MFN1: variants seen among roughly 807,000 people sequenced by gnomAD.
The protein encoded by MFN1 is mitofusin 1, also known as mitofusin-1.
A neutral mutation model predicts 92.4 loss-of-function variants in MFN1; 65 were observed. The ratio of observed to expected loss-of-function variants is 0.70; its 90% confidence interval spans 0.58 to 0.86. The LOEUF (loss-of-function observed/expected upper bound fraction) is 0.86. MFN1 is among the 40% of genes least tolerant of loss of function. The pLI is 0.00. For synonymous variants in MFN1, 297 were observed against 300.9 expected, an observed-to-expected ratio of 0.99 and a Z score of 0.13; for missense variants, 781 against 868.0, an observed-to-expected ratio of 0.90 and a Z score of 1.26.
intron 16 of MFN1, 85 bp from the exon 17 acceptor site, chr3:179,389,919 G>A: frequency 7.7e-7 from 1 of 1,301,694 alleles, no homozygotes; most frequent in Non-Finnish European, 1.1e-6. Context: ...TTTAAAACTT[G>A]TGTTCTTCTT....
chr3:179,356,420 A>G (rs1018693733), intron 3 of MFN1, among the ~76,000 whole-genome samples: 4 of 152,222 alleles, frequency 2.6e-5, no homozygotes, highest in African/African-American at 9.6e-5. Flanking sequence ...ATCCTTTATA[A>G]TGAACCAGTA....
chr3:179,362,893 C>G (rs1712639785), intron 5 of MFN1, among the ~76,000 whole-genome samples: 1 of 152,114 alleles, frequency 6.6e-6, no homozygotes. Flanking sequence ...ATGAGTGTTT[C>G]AAGTAATCCA....
intron 10 of MFN1, 99 bp downstream of exon 10, chr3:179,375,440 A>C: frequency 2.8e-6 from 4 of 1,412,780 alleles, no homozygotes; most frequent in Non-Finnish European, 3.9e-6. Flanking sequence ...TACTTTTTAC[A>C]CTGAAATCAA....
chr3:179,375,287 T>C lies in MFN1; in HGVS notation c.1043T>C (p.Leu348Pro). Residue 348 changes from leucine (L) to proline (P), a missense_variant, in exon 10 of 18, where the codon CTA becomes CCA. Coordinates refer to ENST00000471841, the MANE Select transcript of MFN1 (RefSeq NM_033540.3). ...CACACTATCAGAGCTAAACAGATACTAGCTACTGTGAAAAACATAATGGAT... is the reference window on the plus strand; with the variant it reads ...CACACTATCAGAGCTAAACAGATACCAGCTACTGTGAAAAACATAATGGAT... ...EQHTIRAKQI[L>P]ATVKNIMDSV... 3 of 1,614,004 alleles carry C rather than the reference T, an allele frequency of 1.9e-6. No individual in the cohort carries two copies. The highest frequency in any genetic ancestry group is 2.5e-6 in the Non-Finnish European group (3 of 1,179,938).
At chr3:179,372,422 G>A (rs1713060460) in intron 9 of MFN1, among the ~76,000 whole-genome samples, 1 of 151,906 alleles carries the variant, frequency 6.6e-6, no homozygotes, top group Non-Finnish European at 1.5e-5. Flanking sequence ...GGGAACTGCT[G>A]CATATTATAT....
rs180799848 is a variant in MFN1 at position 179,385,304 on chromosome 3, T to A, written c.1663-265T>A. 3.9e-5 allele frequency among the ~76,000 whole-genome samples: 6 copies of A among 152,060 alleles called. No homozygotes were observed. The East Asian group carries it at 1.2e-3, about 29-fold the overall frequency. ...GTTGTTAGTTTTTTTAAAAACACACTTTGTTCCTCTTGAGAGTTGAGGGCC... is the reference window on the plus strand; with the variant it reads ...GTTGTTAGTTTTTTTAAAAACACACATTGTTCCTCTTGAGAGTTGAGGGCC... On this transcript the variant is annotated intron_variant, in intron 14 of 17. Transcript: ENST00000471841.
intron 9 of MFN1, among the ~76,000 whole-genome samples, chr3:179,371,076 C>A (rs1713006087): frequency 6.6e-6 from 1 of 152,170 alleles, no homozygotes; most frequent in Non-Finnish European, 1.5e-5. Flanking sequence ...GTATCAAGTT[C>A]ATCACCTTTA....
rs753641701 is a variant in MFN1 at position 179,386,420 on chromosome 3, C to CT, written c.1816-10dup. The CT allele has an allele frequency of 6.2e-7, 1 of 1,606,494 alleles. No individual in the cohort carries two copies. On this transcript the variant is annotated splice_polypyrimidine_tract_variant and intron_variant, in intron 15 of 17. Transcript: ENST00000471841. ...TTTTCCTTCTCAGACTAAGCTATGA[C>CT]TTTATCTTACAGATTTGGAAAACTA...
rs989793420 is a variant in MFN1, at chr3:179,377,058, G to C, written c.1114G>C (p.Glu372Gln). Reference protein sequence around the residue: ...AEDKRHYSVEEREDQIDRLDF... With the variant: ...AEDKRHYSVEQREDQIDRLDF... ...CTGAAATAGGCATTATTCAGTGGAA[G>C]AGAGGGAAGACCAAATTGATAGACT... Residue 372 changes from glutamate to glutamine, a missense_variant, in exon 11 of 18, where the codon GAG becomes CAG. Coordinates refer to ENST00000471841, the MANE Select transcript of MFN1 (RefSeq NM_033540.3). The C allele has an allele frequency of 3.1e-6, 5 of 1,613,666 alleles. No homozygotes were observed. The highest frequency in any genetic ancestry group is 4.2e-6 in the Non-Finnish European group (5 of 1,179,858).
rs1315998276 is a variant in MFN1, at chr3:179,348,842, T to C, written c.-7-3T>C. 1.2e-6 allele frequency: 2 copies of C among 1,609,180 alleles called. No homozygotes were observed. The highest frequency in any genetic ancestry group is 2.2e-5 in the South Asian group (2 of 90,684). ...GTGCTTTTCTAACTTTATCTCCCTC[T>C]AGTAGCATAATGGCAGAACCTGTTT... is the stretch of plus-strand genomic sequence containing the variant. On this transcript the variant is annotated splice_polypyrimidine_tract_variant and splice_region_variant and intron_variant, in intron 1 of 17. Transcript: ENST00000471841.
chr3:179,372,713 C>G (rs1281070920), intron 9 of MFN1, among the ~76,000 whole-genome samples: 2 of 152,062 alleles, frequency 1.3e-5, no homozygotes, highest in Non-Finnish European at 2.9e-5. Context: ...TTTTCTGTCT[C>G]GTCTAGCTCT....
intron 10 of MFN1, 68 bp from the exon 11 acceptor site, chr3:179,376,974 G>A: frequency 6.6e-7 from 1 of 1,522,310 alleles, no homozygotes; most frequent in Non-Finnish European, 8.9e-7. Flanking sequence ...ACATGAATGA[G>A]TCCCTTGCTG....
intron 3 of MFN1, among the ~76,000 whole-genome samples, chr3:179,358,591 A>C (rs1023554648): frequency 6.6e-6 from 1 of 152,234 alleles, no homozygotes; most frequent in Non-Finnish European, 1.5e-5. Flanking sequence ...GAATTGCCAC[A>C]AAAAGCAAGA....
At chr3:179,378,278 T>A (rs1713326287) in intron 12 of MFN1, 63 bp from the exon 13 acceptor site, 1 of 1,234,290 alleles carries the variant, frequency 8.1e-7, no homozygotes, top group South Asian at 1.3e-5. Context: ...ATATTTTATG[T>A]CTTTATAAAA....
At chr3:179,377,783 G>A (rs1342736725) in intron 12 of MFN1, among the ~76,000 whole-genome samples, 1 of 152,024 alleles carries the variant, frequency 6.6e-6, no homozygotes, top group Admixed American at 6.6e-5. Context: ...AAAACAGTTA[G>A]GCTGGTTGCG....
At chr3:179,365,656 C>T (rs73043489) in intron 7 of MFN1, among the ~76,000 whole-genome samples, 1,926 of 152,288 alleles carry the variant, frequency 0.013, 41 homozygotes, top group African/African-American at 0.044. Context: ...TCTTACCTAC[C>T]TCCTTCTAAC....
intron 9 of MFN1, among the ~76,000 whole-genome samples, chr3:179,370,018 G>C (rs1251890848): frequency 6.6e-6 from 1 of 152,070 alleles, no homozygotes; most frequent in African/African-American, 2.4e-5. Flanking sequence ...CAAACAATCA[G>C]CTGGGCAAAA....
chr3:179,362,615 G>T, intron 5 of MFN1, 133 bp downstream of exon 5: 1 of 693,980 alleles, frequency 1.4e-6, no homozygotes. Flanking sequence ...TTAAGGAAGA[G>T]ATATGGTATT....
At chr3:179,371,992 T>C (rs1713037591) in intron 9 of MFN1, among the ~76,000 whole-genome samples, 1 of 149,070 alleles carries the variant, frequency 6.7e-6, no homozygotes. Context: ...TCTTTATATA[T>C]ATGGGGGTCA....
Sources: allele counts gnomAD v4.1 joint callset (sites outside exome capture counted in the v4.1 genomes callset), GRCh38; gene constraint gnomAD v4.1.1; transcripts MANE v1.5; gene names NCBI Gene and HGNC (gene_info 2026-07-23, HGNC 2026-07-21).